The following GABRB1 variants were observed in gnomAD, a reference collection of about 807,000 sequenced individuals.
The protein encoded by GABRB1 is gamma-aminobutyric acid type A receptor subunit beta1, also known as gamma-aminobutyric acid receptor subunit beta-1.
GABRB1 carries 17 observed loss-of-function variants against 51.6 expected under a neutral mutation model. That is an observed-to-expected ratio of 0.33 (90% CI 0.23 to 0.49). GABRB1 has a LOEUF of 0.49. Ranked by LOEUF, GABRB1 falls within the 20% of genes least tolerant of loss-of-function variation. The probability of loss-of-function intolerance (pLI) is 0.99; values close to 1 mark genes in which losing one functional copy is unlikely to be tolerated. For synonymous variants in GABRB1, 247 were observed against 218.9 expected (o/e 1.13, Z -1.14); for missense variants, 410 against 600.6 (o/e 0.68, Z 3.32).
intron 8 of GABRB1, among the ~76,000 whole-genome samples, chr4:47,414,658 A>AT (rs1189312460): frequency 6.6e-6 from 1 of 152,042 alleles, no homozygotes; most frequent in Admixed American, 6.5e-5. Flanking sequence ...CAAGAAATAG[A>AT]TTTTTTTCCC....
At chr4:47,348,499 T>C (rs1726187065) in intron 5 of GABRB1, among the ~76,000 whole-genome samples, 1 of 152,216 alleles carries the variant, frequency 6.6e-6, no homozygotes, top group East Asian at 1.9e-4. Context: ...ATATGGTATA[T>C]ATGAAACACA....
intron 3 of GABRB1, among the ~76,000 whole-genome samples, chr4:47,154,417 G>A (rs1293038142): frequency 6.6e-6 from 1 of 151,746 alleles, no homozygotes; most frequent in Admixed American, 6.6e-5. Context: ...TTGCTGTCTT[G>A]GTTAATAAAC....
At chr4:47,037,239 CT>C (rs1489260791) in intron 3 of GABRB1, among the ~76,000 whole-genome samples, 1 of 152,150 alleles carries the variant, frequency 6.6e-6, no homozygotes, top group Non-Finnish European at 1.5e-5. Context: ...TTTTGCACCA[CT>C]GAGGAGCTAG....
chr4:47,219,687 C>T (rs896446672), intron 4 of GABRB1, among the ~76,000 whole-genome samples: 7 of 151,882 alleles, frequency 4.6e-5, no homozygotes, highest in African/African-American at 1.7e-4. Context: ...CTCTTCAATC[C>T]CGTGTGTCAT....
intron 4 of GABRB1, among the ~76,000 whole-genome samples, chr4:47,274,296 C>T (rs1350338602): frequency 6.6e-6 from 1 of 152,074 alleles, no homozygotes; most frequent in Admixed American, 6.6e-5. Context: ...TAGTGCCTGG[C>T]ACACATTTAA....
At chr4:47,138,075 G>A (rs914057450) in intron 3 of GABRB1, among the ~76,000 whole-genome samples, 1 of 152,206 alleles carries the variant, frequency 6.6e-6, no homozygotes, top group Non-Finnish European at 1.5e-5. Flanking sequence ...TCAAGATTGT[G>A]TGGATGGCAA....
intron 4 of GABRB1, among the ~76,000 whole-genome samples, chr4:47,165,582 T>C (rs1026112099): frequency 6.6e-6 from 1 of 152,148 alleles, no homozygotes; most frequent in Non-Finnish European, 1.5e-5. Context: ...CCCAGCCCAA[T>C]TTTTAAATTA....
intron 3 of GABRB1, among the ~76,000 whole-genome samples, chr4:47,036,413 G>C (rs1725569772): frequency 6.6e-6 from 1 of 152,102 alleles, no homozygotes; most frequent in Admixed American, 6.6e-5. Flanking sequence ...TTAACATATA[G>C]GTGAATCACT....
At chr4:47,190,921 C>T (rs1427055472) in intron 4 of GABRB1, among the ~76,000 whole-genome samples, 1 of 152,176 alleles carries the variant, frequency 6.6e-6, no homozygotes, top group Admixed American at 6.5e-5. Context: ...AGGTCTGCAA[C>T]TGCTGGAGCC....
In GABRB1 at chr4:47,279,125, T is replaced by C. The variant is rs561028547; in HGVS notation, c.462-41002T>C. 1.7e-3 allele frequency among the ~76,000 whole-genome samples: 251 copies of C among 151,918 alleles called. 1 individual carries two copies. The highest frequency in any genetic ancestry group is 5.5e-3 in the African/African-American group (228 of 41,412). ...ATGGATGGATGGATGGATGGATGGA[T>C]GGATGGATAGATGGATGGATGAATT... On this transcript the variant is annotated intron_variant, in intron 4 of 8. Coordinates refer to ENST00000295454, the MANE Select transcript of GABRB1 (RefSeq NM_000812.4).
intron 3 of GABRB1, among the ~76,000 whole-genome samples, chr4:47,091,324 T>G (rs1473279197): frequency 6.6e-6 from 1 of 152,182 alleles, no homozygotes; most frequent in Non-Finnish European, 1.5e-5. Flanking sequence ...TCTCTTAAAT[T>G]TTCTGATATA....
intron 3 of GABRB1, among the ~76,000 whole-genome samples, chr4:47,081,321 T>A (rs1727833272): frequency 6.6e-6 from 1 of 152,154 alleles, no homozygotes; most frequent in Admixed American, 6.5e-5. Flanking sequence ...CTCAGTTTCT[T>A]TATTTGCAGA....
At chr4:47,263,535 G>GA (rs1560304375) in intron 4 of GABRB1, among the ~76,000 whole-genome samples, 1 of 152,110 alleles carries the variant, frequency 6.6e-6, no homozygotes, top group Non-Finnish European at 1.5e-5. Context: ...CTAAAATACT[G>GA]GGATTTTTAG....
intron 1 of GABRB1, among the ~76,000 whole-genome samples, chr4:46,995,590 C>G (rs923723407): frequency 6.6e-6 from 1 of 152,256 alleles, no homozygotes; most frequent in South Asian, 2.1e-4. Flanking sequence ...CCTCAAACTC[C>G]TGGTCTCAAG....
intron 3 of GABRB1, among the ~76,000 whole-genome samples, chr4:47,085,115 C>G (rs781093212): frequency 6.6e-6 from 1 of 152,090 alleles, no homozygotes; most frequent in Non-Finnish European, 1.5e-5. Flanking sequence ...CTTAACTCAC[C>G]CTGTTTCCTC....
chr4:47,249,572 G>A (rs1017157108), intron 4 of GABRB1, among the ~76,000 whole-genome samples: 3 of 151,906 alleles, frequency 2.0e-5, no homozygotes, highest in Non-Finnish European at 4.4e-5. Context: ...TCATTTCTTA[G>A]GTCTATTAGT....
chr4:47,158,672 A>G (rs1717806997), intron 3 of GABRB1, among the ~76,000 whole-genome samples: 2 of 152,106 alleles, frequency 1.3e-5, no homozygotes, highest in African/African-American at 2.4e-5. Flanking sequence ...TAATTTTCCT[A>G]TACTGGCTGA....
intron 5 of GABRB1, among the ~76,000 whole-genome samples, chr4:47,370,332 C>CA (rs1727144056): frequency 6.6e-6 from 1 of 151,910 alleles, no homozygotes; most frequent in Non-Finnish European, 1.5e-5. Flanking sequence ...ACTAAAAATA[C>CA]AAAAATTAGC....
chr4:47,361,218 G>A (rs767070851), intron 5 of GABRB1, among the ~76,000 whole-genome samples: 2 of 152,190 alleles, frequency 1.3e-5, no homozygotes, highest in East Asian at 1.9e-4. Flanking sequence ...CAAGGAAACC[G>A]CAATGATGTT....
Sources: gnomAD v4.1 joint callset for allele counts (sites outside exome capture counted in the v4.1 genomes callset) on GRCh38, gnomAD v4.1.1 for gene constraint, MANE v1.5 for transcripts, NCBI Gene and HGNC (gene_info 2026-07-23, HGNC 2026-07-21) for gene names.